The following CATSPERG variants were observed in gnomAD, a reference collection of about 807,000 sequenced individuals.
CATSPERG encodes the protein cation channel sperm-associated auxiliary subunit gamma.
A neutral mutation model predicts 145.0 loss-of-function variants in CATSPERG; 115 were observed. That is an observed-to-expected ratio of 0.79 (90% CI 0.68 to 0.93). The LOEUF (loss-of-function observed/expected upper bound fraction) is 0.93. Ranked by LOEUF, CATSPERG falls within the 40% of genes least tolerant of loss-of-function variation. The pLI is 0.00. For synonymous variants in CATSPERG, 588 were observed against 589.0 expected (o/e 1.00, Z 0.02); for missense variants, 1,296 against 1,490.1 (o/e 0.87, Z 2.14).
chr19:38,358,630 C>G, intron 13 of CATSPERG, 69 bp downstream of exon 13: 1 of 1,587,748 alleles, frequency 6.3e-7, no homozygotes, highest in Non-Finnish European at 8.6e-7. Context: ...GGTGGGGACC[C>G]TTTCAAGCCC....
At position 38,336,923 on chromosome 19, in the gene CATSPERG, G is replaced by C. The variant is rs537796020; in HGVS notation, c.-14-298G>C. 3.3e-5 allele frequency: 16 copies of C among 487,814 alleles called. No individual in the cohort carries two copies. The Admixed American group carries it at 3.7e-4, about 11-fold the overall frequency. 30.2% of individuals were successfully genotyped at this position (487,814 alleles called of 1,614,324 possible). Reference sequence around the variant, plus strand: ...TGGGGCCCGGAGCAATAGCAGAGGTGCGATACCCACGAGGGTCGGGGGCAG... The same window carrying C: ...TGGGGCCCGGAGCAATAGCAGAGGTCCGATACCCACGAGGGTCGGGGGCAG... On this transcript the variant is annotated intron_variant, in intron 1 of 28. Coordinates refer to ENST00000409235, the MANE Select transcript of CATSPERG (RefSeq NM_021185.5).
At chr19:38,342,600 G>GAA (rs756886890) in intron 3 of CATSPERG, among the ~76,000 whole-genome samples, 5 of 105,440 alleles carry the variant, frequency 4.7e-5, no homozygotes, top group African/African-American at 7.0e-5. Flanking sequence ...ACTCCTTCTT[G>GAA]AAAAAAAAAA....
Position 38,367,730 on chromosome 19 carries a change from G to A in CATSPERG, c.2884G>A (p.Asp962Asn). 1 of 1,614,136 alleles carries A rather than the reference G, an allele frequency of 6.2e-7. No individual in the cohort carries two copies. Among genetic ancestry groups the A allele is most frequent in the Non-Finnish European group, 8.5e-7 (1 of 1,180,018 alleles). ...CGGGCCCACACTGGACAGCCTCAAG[G>A]ACTACAGTGAGGACGAAATCTACCG... ...GGGPTLDSLKDYSEDEIYRFN... is the reference protein window; with the variant it reads ...GGGPTLDSLKNYSEDEIYRFN... The change falls in exon 25 of 29, where the codon GAC becomes AAC. Residue 962 changes from aspartate to asparagine, a missense_variant. Asp to Asn is a conservative substitution (Grantham distance 23, BLOSUM62 1). Transcript: ENST00000409235.
In CATSPERG at chr19:38,350,961, C is replaced by T. The variant is rs1367297747; in HGVS notation, c.826-1300C>T. On this transcript the variant is annotated intron_variant, in intron 7 of 28. Transcript: ENST00000409235. ...CCAGGATTGTGCCACTGCACTCCAA[C>T]CTGGGTGACAGAGTGAGATCCTATC... Among the ~76,000 whole-genome samples the T allele has an allele frequency of 2.0e-5, 3 of 152,172 alleles. No homozygotes were observed. In the East Asian group the frequency reaches 5.8e-4, roughly 29 times the overall value.
At chr19:38,364,438 G>C (rs577789896) in intron 20 of CATSPERG, among the ~76,000 whole-genome samples, 39 of 152,008 alleles carry the variant, frequency 2.6e-4, no homozygotes, top group African/African-American at 5.1e-4. Context: ...ACTTTCCAGA[G>C]TGGGCAGCCA....
chr19:38,354,159 TCTTA>T (rs1386335037), intron 8 of CATSPERG, among the ~76,000 whole-genome samples: 1 of 152,194 alleles, frequency 6.6e-6, no homozygotes, highest in Non-Finnish European at 1.5e-5. Context: ...TTAGTCTCTT[TCTTA>T]CTTTGGGCAT....
At chr19:38,337,018 C>CGGGGCTAAAAGTCCGTGCG (rs1969850753) in intron 1 of CATSPERG, 3 of 622,192 alleles carry the variant, frequency 4.8e-6, no homozygotes, top group Non-Finnish European at 8.3e-6. Flanking sequence ...AGAGCAGAGG[C>CGGGGCTAAAAGTCCGTGCG]GGGGCTAAAA....
At chr19:38,358,163 TG>T in intron 11 of CATSPERG, 114 bp from the exon 12 acceptor site, 1 of 960,122 alleles carries the variant, frequency 1.0e-6, no homozygotes, top group Non-Finnish European at 1.6e-6. Context: ...CAAACCCGAG[TG>T]GGAAGCTCTT....
At chr19:38,351,523 G>T (rs1028403449) in intron 7 of CATSPERG, among the ~76,000 whole-genome samples, 1 of 151,358 alleles carries the variant, frequency 6.6e-6, no homozygotes, top group Non-Finnish European at 1.5e-5. Context: ...CAGGAGAATG[G>T]CGTGAACCCG....
At chr19:38,356,597 A>C in intron 10 of CATSPERG, 54 bp downstream of exon 10, 1 of 1,602,242 alleles carries the variant, frequency 6.2e-7, no homozygotes, top group Non-Finnish European at 8.5e-7. Flanking sequence ...CTGAGGATGC[A>C]GAAGAGCAGG....
At position 38,370,159 on chromosome 19, in the gene CATSPERG, A is replaced by G. The variant is rs1568385159; in HGVS notation, c.3114A>G (p.Arg1038=). The G allele has an allele frequency of 6.2e-7, 1 of 1,613,712 alleles. No individual in the cohort carries two copies. The stretch of plus-strand genomic sequence containing the variant: ...CTGGATCCCCTCCCAACCCCTGCAG[A>G]GGAGTGGACACGAGCACCTACTGCA... The part of the protein sequence containing the change: ...EFFFKVLVSN[R]GVDTSTYCNY... The change falls in exon 28 of 29, where the codon AGA becomes AGG. Residue 1038 remains arginine (R), a splice_region_variant and synonymous_variant. Coordinates refer to ENST00000409235, the MANE Select transcript of CATSPERG (RefSeq NM_021185.5).
rs781521811 is a variant in CATSPERG, at chr19:38,359,559, C to T, written c.1586C>T (p.Ala529Val). ...GCCAGATCGTTCCGTGGGGCTGTGGCTATTGTCACAGAGACGGAGGAGGTG... is the reference window on the plus strand; with the variant it reads ...GCCAGATCGTTCCGTGGGGCTGTGGTTATTGTCACAGAGACGGAGGAGGTG... ...YMARSFRGAV[A>V]IVTETEEIWY... Residue 529 changes from alanine (A) to valine (V), a missense_variant, in exon 14 of 29, where the codon GCT (alanine) becomes GTT (valine). Transcript: ENST00000409235. 6 of 1,613,358 alleles carry T rather than the reference C, an allele frequency of 3.7e-6. No individual in the cohort carries two copies. Among genetic ancestry groups the T allele is most frequent in the Non-Finnish European group, 5.1e-6 (6 of 1,179,570 alleles).
intron 7 of CATSPERG, among the ~76,000 whole-genome samples, chr19:38,348,082 G>T (rs1345363892): frequency 6.6e-6 from 1 of 152,090 alleles, no homozygotes; most frequent in Non-Finnish European, 1.5e-5. Flanking sequence ...AATTTGTTCA[G>T]TTTGTGGACC....
intron 3 of CATSPERG, among the ~76,000 whole-genome samples, chr19:38,338,085 A>G (rs1230586601): frequency 6.6e-6 from 1 of 152,066 alleles, no homozygotes; most frequent in Non-Finnish European, 1.5e-5. Flanking sequence ...CTGTCTGTGT[A>G]CAGTTCCCAG....
At chr19:38,353,423 T>C (rs1250535890) in intron 8 of CATSPERG, among the ~76,000 whole-genome samples, 2 of 151,946 alleles carry the variant, frequency 1.3e-5, no homozygotes, top group Non-Finnish European at 2.9e-5. Context: ...GTGCAGTAGC[T>C]CACACCTGTA....
intron 25 of CATSPERG, 124 bp downstream of exon 25, chr19:38,367,900 T>C: frequency 8.6e-7 from 1 of 1,156,900 alleles, no homozygotes; most frequent in South Asian, 1.3e-5. Flanking sequence ...ACAGTGGGGC[T>C]CTTAGGATCT....
intron 3 of CATSPERG, among the ~76,000 whole-genome samples, chr19:38,341,921 A>T (rs1349197216): frequency 6.6e-6 from 1 of 151,414 alleles, no homozygotes; most frequent in East Asian, 1.9e-4. Flanking sequence ...AATAAAAAAT[A>T]AAAAAATTAG....
chr19:38,367,444 C>T (rs1425947849), intron 23 of CATSPERG, 65 bp from the exon 24 acceptor site: 8 of 1,573,874 alleles, frequency 5.1e-6, no homozygotes, highest in East Asian at 4.5e-5. Flanking sequence ...TCCCCCGTCT[C>T]GGTCCTCAGC....
At chr19:38,354,334 C>T (rs569256287) in intron 8 of CATSPERG, among the ~76,000 whole-genome samples, 13 of 152,326 alleles carry the variant, frequency 8.5e-5, no homozygotes, top group East Asian at 7.7e-4. Context: ...GTGCATGCCA[C>T]GGTGATTCAG....
Sources: allele counts gnomAD v4.1 joint callset (sites outside exome capture counted in the v4.1 genomes callset), GRCh38; gene constraint gnomAD v4.1.1; transcripts MANE v1.5; gene names NCBI Gene and HGNC (gene_info 2026-07-23, HGNC 2026-07-21).